The following CD36 variants were observed in gnomAD, a reference collection of about 807,000 sequenced individuals.
CD36 encodes platelet glycoprotein 4.
Under a neutral mutation model 55.2 loss-of-function variants are expected in CD36, and 119 were observed. The observed-to-expected ratio is 2.15, with a 90% CI of 1.86 to 2.51. The LOEUF (loss-of-function observed/expected upper bound fraction) is 2.51. Among genes scored for constraint, CD36 ranks in the 30% most tolerant of loss-of-function variants. The pLI is 0.00. For missense variants in CD36, 819 were observed against 555.5 expected (o/e 1.47, Z -4.77); for synonymous variants, 186 against 193.6 (o/e 0.96, Z 0.33).
At chr7:80,609,148 A>C (rs1261526327) in intron 1 of CD36, among the ~76,000 whole-genome samples, 4 of 152,148 alleles carry the variant, frequency 2.6e-5, no homozygotes, top group Non-Finnish European at 4.4e-5. Context: ...GCACACATAC[A>C]ATATAAAGTT....
At chr7:80,673,232 T>A in intron 12 of CD36, 123 bp from the exon 13 acceptor site, 1 of 559,840 alleles carries the variant, frequency 1.8e-6, no homozygotes, top group Non-Finnish European at 3.2e-6. Flanking sequence ...AAAATTTAAA[T>A]GAGTCATTAC....
intron 3 of CD36, among the ~76,000 whole-genome samples, chr7:80,649,602 G>C (rs1795445230): frequency 1.3e-5 from 2 of 151,826 alleles, no homozygotes; most frequent in Non-Finnish European, 2.9e-5. Flanking sequence ...ATTGATAGAA[G>C]GTATGTATAT....
At chr7:80,633,654 C>T (rs1794218310), upstream of CD36, among the ~76,000 whole-genome samples, 1 of 151,976 alleles carries the variant, frequency 6.6e-6, no homozygotes, top group African/African-American at 2.4e-5. Context: ...GCAGTTAGAA[C>T]ATACTAATAC....
intron 1 of CD36, among the ~76,000 whole-genome samples, chr7:80,620,838 T>A (rs554194716): frequency 6.6e-6 from 1 of 152,300 alleles, no homozygotes; most frequent in East Asian, 1.9e-4. Flanking sequence ...AACCAATATA[T>A]ATCATAACAC....
At chr7:80,625,921 A>C (rs1476149468) in intron 1 of CD36, among the ~76,000 whole-genome samples, 3 of 152,180 alleles carry the variant, frequency 2.0e-5, no homozygotes, top group African/African-American at 7.2e-5. Context: ...AGCACTGCGA[A>C]TAATCCAATA....
intron 3 of CD36, among the ~76,000 whole-genome samples, chr7:80,653,566 T>C (rs1245479487): frequency 7.2e-5 from 11 of 152,134 alleles, no homozygotes; most frequent in Admixed American, 7.2e-4. Context: ...ATGCTTAGAG[T>C]CAGGGACAAA....
At chr7:80,603,276 T>G (rs968172453) in intron 1 of CD36, among the ~76,000 whole-genome samples, 15 of 152,182 alleles carry the variant, frequency 9.9e-5, no homozygotes, top group African/African-American at 3.6e-4. Flanking sequence ...CATGCTATTC[T>G]GCTATTCTAC....
At chr7:80,617,269 A>T (rs1793215073) in intron 1 of CD36, among the ~76,000 whole-genome samples, 1 of 152,102 alleles carries the variant, frequency 6.6e-6, no homozygotes, top group African/African-American at 2.4e-5. Flanking sequence ...AGGAAAAATC[A>T]CTAATGCGTA....
rs780235902 is a variant in CD36 at position 80,674,161 on chromosome 7, A to G, written c.*14A>G. The G allele has an allele frequency of 3.8e-6, 6 of 1,572,450 alleles. No individual in the cohort carries two copies. In the Admixed American group the frequency reaches 6.7e-5, roughly 18 times the overall value. On this transcript the variant is annotated intron_variant, in intron 14 of 14. Coordinates refer to ENST00000447544, the MANE Select transcript of CD36 (RefSeq NM_001001548.3). ...ACAATAAAATAAGTAAGTATGTACC[A>G]AAAAATATTGCTTCAATAATATTAG...
At chr7:80,656,729 C>A (rs768511602) in intron 4 of CD36, 29 bp downstream of exon 4, 2 of 1,594,802 alleles carry the variant, frequency 1.3e-6, no homozygotes, top group East Asian at 2.2e-5. Context: ...ATATGAGACA[C>A]TCTTACCTTG....
chr7:80,675,789 C>T (rs900253089), intron 14 of CD36, among the ~76,000 whole-genome samples: 5 of 152,016 alleles, frequency 3.3e-5, no homozygotes, highest in Admixed American at 6.6e-5. Flanking sequence ...AAGTGTAAGA[C>T]GGTGGAGCTT....
chr7:80,663,990 T>G (rs1354184126), intron 6 of CD36, among the ~76,000 whole-genome samples: 1 of 152,168 alleles, frequency 6.6e-6, no homozygotes, highest in Non-Finnish European at 1.5e-5. Context: ...AACTTTTGGA[T>G]GTCTAATTTT....
chr7:80,653,852 A>G (rs1378751846), intron 3 of CD36, among the ~76,000 whole-genome samples: 2 of 152,134 alleles, frequency 1.3e-5, no homozygotes, highest in South Asian at 2.1e-4. Flanking sequence ...GACTACTTCA[A>G]TATTTTTCTC....
intron 1 of CD36, among the ~76,000 whole-genome samples, chr7:80,608,734 A>G (rs568327034): frequency 3.0e-4 from 45 of 152,222 alleles, no homozygotes; most frequent in African/African-American, 7.9e-4. Flanking sequence ...AACTGGTCCT[A>G]TGTTTCCCCT....
intron 1 of CD36, among the ~76,000 whole-genome samples, chr7:80,629,677 A>G (rs1203760878): frequency 6.6e-6 from 1 of 151,998 alleles, no homozygotes; most frequent in Non-Finnish European, 1.5e-5. Flanking sequence ...GAAAATACTT[A>G]AGCATATTGA....
At chr7:80,610,841 G>A (rs922873943) in intron 1 of CD36, among the ~76,000 whole-genome samples, 1 of 152,056 alleles carries the variant, frequency 6.6e-6, no homozygotes, top group Non-Finnish European at 1.5e-5. Flanking sequence ...CCAAAGTGTT[G>A]GGATTACAGG....
intron 14 of CD36, 180 bp downstream of exon 14, chr7:80,674,327 T>TATA: frequency 1.8e-6 from 1 of 563,206 alleles, no homozygotes. Context: ...CACTAAAGTA[T>TATA]ATCTTTAATT....
intron 3 of CD36, among the ~76,000 whole-genome samples, chr7:80,651,571 A>C (rs1795623854): frequency 6.6e-6 from 1 of 152,108 alleles, no homozygotes; most frequent in Non-Finnish European, 1.5e-5. Flanking sequence ...AGCTTGTAAG[A>C]AATGCCTTCA....
In CD36 at chr7:80,663,033, T is replaced by C; in HGVS notation, c.473T>C (p.Leu158Pro). 6.2e-7 allele frequency: 1 copy of C among 1,613,472 alleles called. No homozygotes were observed. The highest frequency in any genetic ancestry group is 8.5e-7 in the Non-Finnish European group (1 of 1,179,564). ...IYQNQFVQMI[L>P]NSLINKSKSS... is the part of the protein sequence containing the mutation. ...CAAAATCAATTTGTTCAAATGATCC[T>C]CAATTCACTTATTAACAAGTCAAAA... The change falls in exon 6 of 15, where the codon CTC becomes CCC. Residue 158 changes from leucine (L) to proline (P), a missense_variant. By Grantham distance (98) the Leu-to-Pro change is moderately conservative. Transcript: ENST00000447544.
Sources: gnomAD v4.1 joint callset for allele counts (sites outside exome capture counted in the v4.1 genomes callset) on GRCh38, gnomAD v4.1.1 for gene constraint, MANE v1.5 for transcripts, NCBI Gene and HGNC (gene_info 2026-07-23, HGNC 2026-07-21) for gene names.